CASZ1: variants seen among roughly 807,000 people sequenced by gnomAD.
The protein encoded by CASZ1 is zinc finger protein castor homolog 1.
Under a neutral mutation model 135.2 loss-of-function variants are expected in CASZ1, and 28 were observed. The observed-to-expected ratio is 0.21, with a 90% CI of 0.15 to 0.28. The LOEUF is 0.28. CASZ1 is among the 10% of genes least tolerant of loss of function. The probability of loss-of-function intolerance (pLI) is 1.00; values close to 1 mark genes in which losing one functional copy is unlikely to be tolerated. For synonymous variants in CASZ1, 1,068 were observed against 1,073.4 expected (o/e 0.99, Z 0.10); for missense variants, 2,161 against 2,453.3 (o/e 0.88, Z 2.52).
Position 10,741,069 on chromosome 1 carries a change from T to C in CASZ1, c.-77+19632A>G, listed in dbSNP as rs1349690552. Among the ~76,000 whole-genome samples, 1 of 152,086 alleles carries C rather than the reference T, an allele frequency of 6.6e-6. No homozygotes were observed. Among genetic ancestry groups the C allele is most frequent in the Non-Finnish European group, 1.5e-5 (1 of 68,006 alleles). On this transcript the variant is annotated intron_variant, in intron 2 of 20. Coordinates refer to ENST00000377022, the MANE Select transcript of CASZ1 (RefSeq NM_001079843.3). This position sits in a 1 kb window ranked among gnomAD's most constrained non-coding sequence, Gnocchi z 5.0. ...GAGCAATGGCACAATCTCAGCTCATTGCAACCTCCGTTTCCTGGGTTCAAG... is the reference window on the plus strand; with the variant it reads ...GAGCAATGGCACAATCTCAGCTCATCGCAACCTCCGTTTCCTGGGTTCAAG...
Position 10,709,956 on chromosome 1 carries a change from C to T in CASZ1, c.-76-4412G>A, listed in dbSNP as rs1639255188. On this transcript the variant is annotated intron_variant, in intron 2 of 20. Coordinates refer to ENST00000377022, the MANE Select transcript of CASZ1 (RefSeq NM_001079843.3). This position sits in a 1 kb window ranked among gnomAD's most constrained non-coding sequence, Gnocchi z 5.1. ...GGGCGGTGGGGGTGGCTGTCCAGACCCCGGAGTCGGAGCAGGCCTCCGGAT... is the reference window on the plus strand; with the variant it reads ...GGGCGGTGGGGGTGGCTGTCCAGACTCCGGAGTCGGAGCAGGCCTCCGGAT... Among the ~76,000 whole-genome samples the T allele has an allele frequency of 6.6e-6, 1 of 152,136 alleles. No individual in the cohort carries two copies.
At chr1:10,764,462 G>A (rs1345502832) in intron 1 of CASZ1, among the ~76,000 whole-genome samples, 4 of 152,356 alleles carry the variant, frequency 2.6e-5, no homozygotes, top group South Asian at 2.1e-4. Flanking sequence ...GCCAAGCACC[G>A]TGCCAAGTGC....
In CASZ1 at chr1:10,727,949, G is replaced by A. The variant is rs951832806; in HGVS notation, c.-76-22405C>T. ...GTGGAAGGTTGAACTAACCCCGGGC[G>A]CGATGCCACGTGCCCAGAAACTGGG... On this transcript the variant is annotated intron_variant, in intron 2 of 20. Transcript: ENST00000377022. This position sits in a 1 kb window ranked among gnomAD's most constrained non-coding sequence, Gnocchi z 5.3. Among the ~76,000 whole-genome samples the A allele has an allele frequency of 2.0e-5, 3 of 152,228 alleles. No individual in the cohort carries two copies. Among genetic ancestry groups the A allele is most frequent in the Admixed American group, 1.3e-4 (2 of 15,290 alleles).
At chr1:10,722,029 A>G (rs899000128) in intron 2 of CASZ1, among the ~76,000 whole-genome samples, 2 of 152,206 alleles carry the variant, frequency 1.3e-5, no homozygotes, top group African/African-American at 4.8e-5. Flanking sequence ...GCTCGTTAAG[A>G]TGACACAGGC....
Position 10,699,463 on chromosome 1 carries a change from G to A in CASZ1, c.-23-5551C>T, listed in dbSNP as rs185530431. Among the ~76,000 whole-genome samples the A allele has an allele frequency of 1.3e-5, 2 of 152,274 alleles. No homozygotes were observed. The highest frequency in any genetic ancestry group is 2.1e-4 in the South Asian group (1 of 4,822). On this transcript the variant is annotated intron_variant, in intron 3 of 20. Coordinates refer to ENST00000377022, the MANE Select transcript of CASZ1 (RefSeq NM_001079843.3). This position sits in a 1 kb window ranked among gnomAD's most constrained non-coding sequence, Gnocchi z 4.6. ...CGGTGGGGGCATAAAGTGACCCAAG[G>A]TCTGAAAGCCAAGGTAGGTTGTTGG...
At position 10,700,939 on chromosome 1, in the gene CASZ1, TG is replaced by T. The variant is rs561670754; in HGVS notation, c.-24+4552del. ...TCTCAATAAAGCGGTTATTAAAAAG[TG>T]GGGGAAAGACGGGGGATCATATTAG... On this transcript the variant is annotated intron_variant, in intron 3 of 20. Transcript: ENST00000377022. This position sits in a 1 kb window ranked among gnomAD's most constrained non-coding sequence, Gnocchi z 4.2. Among the ~76,000 whole-genome samples, 353 of 152,204 alleles carry T rather than the reference TG, an allele frequency of 2.3e-3. 2 individuals are homozygous for T. The highest frequency in any genetic ancestry group is 3.5e-3 in the Non-Finnish European group (240 of 67,978).
Position 10,666,806 on chromosome 1 carries a change from C to T in CASZ1, c.17-1235G>A, listed in dbSNP as rs1172423363. On this transcript the variant is annotated intron_variant, in intron 4 of 20. Coordinates refer to ENST00000377022, the MANE Select transcript of CASZ1 (RefSeq NM_001079843.3). This position sits in a 1 kb window ranked among gnomAD's most constrained non-coding sequence, Gnocchi z 5.2. ...GTGGACACACACACACGCACACACA[C>T]GCGTGCACACACAGCGCAGCCACAT... 3.3e-5 allele frequency among the ~76,000 whole-genome samples: 5 copies of T among 152,252 alleles called. No homozygotes were observed. Among genetic ancestry groups the T allele is most frequent in the African/African-American group, 1.2e-4 (5 of 41,462 alleles).
At position 10,756,040 on chromosome 1, in the gene CASZ1, C is replaced by G. The variant is rs181644017; in HGVS notation, c.-77+4661G>C. 1.3e-5 allele frequency among the ~76,000 whole-genome samples: 2 copies of G among 152,168 alleles called. No homozygotes were observed. Among genetic ancestry groups the G allele is most frequent in the Non-Finnish European group, 2.9e-5 (2 of 68,016 alleles). On this transcript the variant is annotated intron_variant, in intron 2 of 20. Coordinates refer to ENST00000377022, the MANE Select transcript of CASZ1 (RefSeq NM_001079843.3). This position sits in a 1 kb window ranked among gnomAD's most constrained non-coding sequence, Gnocchi z 5.9. ...TGCACAGATGCACACGCCTCCCACC[C>G]GGACACACCCTCCCCCAGGGCCGGC...
At chr1:10,703,009 T>G in intron 3 of CASZ1, among the ~76,000 whole-genome samples, 2 of 144,800 alleles carry the variant, frequency 1.4e-5, no homozygotes, top group Non-Finnish European at 3.0e-5. Context: ...GTGGGGGTGC[T>G]ATGGGTGGTG....
intron 2 of CASZ1, among the ~76,000 whole-genome samples, chr1:10,740,225 G>C (rs927722766): frequency 6.6e-6 from 1 of 152,202 alleles, no homozygotes; most frequent in Non-Finnish European, 1.5e-5. Context: ...GCTCAGTGTC[G>C]AGGCAAGGCC....
chr1:10,693,823 G>T (rs369295463), intron 4 of CASZ1, 51 bp downstream of exon 4: 4 of 1,356,488 alleles, frequency 2.9e-6, no homozygotes, highest in Admixed American at 3.7e-5. Context: ...TTCCGTAAAA[G>T]AAGCGAAAGA....
At chr1:10,644,871 T>A (rs1557458163) in intron 18 of CASZ1, 46 bp downstream of exon 18, 3 of 1,578,834 alleles carry the variant, frequency 1.9e-6, no homozygotes, top group Non-Finnish European at 1.7e-6. Flanking sequence ...GGCCATGGTC[T>A]TGATGCCTGC....
chr1:10,792,414 A>G (rs1272620688), intron 1 of CASZ1, among the ~76,000 whole-genome samples: 3 of 142,660 alleles, frequency 2.1e-5, no homozygotes, highest in African/African-American at 7.8e-5. Context: ...AAAGTAAAGC[A>G]GTATATTCAG....
At chr1:10,765,332 G>A (rs762638535) in intron 1 of CASZ1, among the ~76,000 whole-genome samples, 2 of 151,352 alleles carry the variant, frequency 1.3e-5, no homozygotes, top group East Asian at 3.9e-4. Context: ...TAAACCACCC[G>A]AGTGAAAACA....
intron 1 of CASZ1, among the ~76,000 whole-genome samples, chr1:10,775,475 G>A (rs887177858): frequency 4.6e-5 from 7 of 152,050 alleles, no homozygotes; most frequent in East Asian, 1.9e-4. Context: ...AGAAAGTCCC[G>A]GCCAAGTTTC....
intron 1 of CASZ1, among the ~76,000 whole-genome samples, chr1:10,787,951 T>C (rs1640888591): frequency 1.3e-5 from 2 of 152,214 alleles, no homozygotes; most frequent in African/African-American, 4.8e-5. Flanking sequence ...AAAATGTTTT[T>C]TTTTAAAACT....
rs1437364020 is a variant in CASZ1, at chr1:10,747,881, A to T, written c.-77+12820T>A. Among the ~76,000 whole-genome samples the T allele has an allele frequency of 1.4e-5, 2 of 147,382 alleles. No individual in the cohort carries two copies. The highest frequency in any genetic ancestry group is 3.0e-5 in the Non-Finnish European group (2 of 67,458). On this transcript the variant is annotated intron_variant, in intron 2 of 20. Transcript: ENST00000377022. This position sits in a 1 kb window ranked among gnomAD's most constrained non-coding sequence, Gnocchi z 4.3. ...GCCCAGGCTGGAGTGCAGTGGTGTG[A>T]TCTCAGCTCACTGCAAGCTCCGCCT...
In CASZ1 at chr1:10,639,333, A is replaced by G; in HGVS notation, c.4889T>C (p.Leu1630Pro). ...LSLGAEPGSL[L>P]FLQSAAAGLG... ...GCCGGCGGCCGCCGACTGCAGGAAG[A>G]GCAGCGAGCCCGGCTCGGCGCCCAG... Residue 1630 changes from leucine (L) to proline (P), a missense_variant, in exon 21 of 21, where the codon CTC becomes CCC. This residue lies in a region of CASZ1 where 240 missense variants were observed against 321.4 expected (regional missense o/e 0.75). Coordinates refer to ENST00000377022, the MANE Select transcript of CASZ1 (RefSeq NM_001079843.3). The surrounding 1 kb of genome is among the most constrained non-coding windows in gnomAD (Gnocchi z 4.0). 1.3e-6 allele frequency: 2 copies of G among 1,489,140 alleles called. No homozygotes were observed. The highest frequency in any genetic ancestry group is 1.3e-5 in the South Asian group (1 of 77,992). 92.2% of individuals were successfully genotyped at this position (1,489,140 alleles called of 1,614,324 possible).
intron 2 of CASZ1, among the ~76,000 whole-genome samples, chr1:10,751,537 C>A (rs963485221): frequency 7.2e-5 from 11 of 152,216 alleles, no homozygotes; most frequent in African/African-American, 2.7e-4. Flanking sequence ...GCTTTTAATG[C>A]CATTTGGGCT....
Sources: allele counts gnomAD v4.1 joint callset (sites outside exome capture counted in the v4.1 genomes callset), GRCh38; gene constraint gnomAD v4.1.1; regional missense constraint gnomAD v4.1.1; non-coding constraint Gnocchi (gnomAD v3.1); transcripts MANE v1.5; gene names NCBI Gene and HGNC (gene_info 2026-07-23, HGNC 2026-07-21).